NSD2: variants seen among roughly 807,000 people sequenced by gnomAD.
The protein encoded by NSD2 is nuclear receptor binding SET domain protein 2.
In NSD2, 12 loss-of-function variants were observed where a neutral mutation model predicts 139.0. The ratio of observed to expected loss-of-function variants is 0.09; its 90% CI spans 0.06 to 0.14. NSD2 has a LOEUF of 0.14. NSD2 is among the 10% of genes least tolerant of loss of function. The pLI is 1.00. For missense variants in NSD2, 1,155 were observed against 1,745.0 expected, an observed-to-expected ratio of 0.66 and a Z score of 6.02; for synonymous variants, 669 against 648.7, an observed-to-expected ratio of 1.03 and a Z score of -0.48.
chr4:1,908,205 T>G (rs912432962), intron 3 of NSD2, among the ~76,000 whole-genome samples: 3 of 152,204 alleles, frequency 2.0e-5, no homozygotes, highest in Admixed American at 6.5e-5. Flanking sequence ...CATGACTGCT[T>G]TAGCTTTCTC....
chr4:1,979,571 A>C lies in NSD2; in HGVS notation c.*662A>C, dbSNP rs1727545468. On this transcript the variant is annotated 3_prime_UTR_variant, in exon 22 of 22. Transcript: ENST00000508803. The stretch of plus-strand genomic sequence containing the variant: ...GTAGTTTTTTCTCCTCATGGATTTG[A>C]ATGAAATGCCAATAACACGTCCACT... 4.3e-6 allele frequency: 1 copy of C among 232,776 alleles called. No homozygotes were observed. Among genetic ancestry groups the C allele is most frequent in the Non-Finnish European group, 8.5e-6 (1 of 117,836 alleles). The allele number at this position is 232,776 out of a possible 1,614,324, so 14.4% of individuals were successfully genotyped here.
rs1479515086 is a variant in NSD2, at chr4:1,942,229, G to T, written c.1881+2451G>T. 16 of 1,521,200 alleles carry T rather than the reference G, an allele frequency of 1.1e-5. No individual in the cohort carries two copies. The highest frequency in any genetic ancestry group is 1.1e-5 in the Non-Finnish European group (13 of 1,138,526). 94.2% of individuals were successfully genotyped at this position (1,521,200 alleles called of 1,614,324 possible). A position where few individuals can be genotyped will look rare whatever the true frequency, so the allele number is the denominator to read the frequency against. On this transcript the variant is annotated intron_variant, in intron 9 of 21. Coordinates refer to ENST00000508803, the MANE Select transcript of NSD2 (RefSeq NM_001042424.3). The surrounding 1 kb of genome is among the most constrained non-coding windows in gnomAD (Gnocchi z 4.0). ...GAGAATAAATTAAAATTACACACTT[G>T]CATGACAAAGGCCTGTGAAGGAATT...
intron 21 of NSD2, among the ~76,000 whole-genome samples, chr4:1,977,253 G>A (rs940052756): frequency 5.3e-5 from 8 of 152,240 alleles, no homozygotes; most frequent in African/African-American, 1.7e-4. Flanking sequence ...TCCAGCACCC[G>A]CATTTCAGAG....
chr4:1,933,259 A>T (rs907916442), intron 6 of NSD2, among the ~76,000 whole-genome samples: 4 of 152,052 alleles, frequency 2.6e-5, no homozygotes, highest in African/African-American at 9.7e-5. Context: ...ACGGACACTT[A>T]CTTGTACCTC....
At chr4:1,903,803 C>T (rs1717516800) in intron 2 of NSD2, among the ~76,000 whole-genome samples, 1 of 148,300 alleles carries the variant, frequency 6.7e-6, no homozygotes, top group African/African-American at 2.5e-5. Flanking sequence ...GGCGTGATCT[C>T]GGCTCACTGC....
At chr4:1,872,292 T>G (rs920084439) in intron 1 of NSD2, among the ~76,000 whole-genome samples, 1 of 152,132 alleles carries the variant, frequency 6.6e-6, no homozygotes, top group Non-Finnish European at 1.5e-5. Flanking sequence ...AGGATGCAGA[T>G]TGATAGTCCT....
chr4:1,978,831 GC>G lies in NSD2; in HGVS notation c.4028del (p.Pro1343GlnfsTer49), dbSNP rs752037034. 21 of 1,601,338 alleles carry G rather than the reference GC, an allele frequency of 1.3e-5. No homozygotes were observed. Among genetic ancestry groups the G allele is most frequent in the Admixed American group, 3.4e-5 (2 of 59,286 alleles). On this transcript the variant is annotated frameshift_variant, in exon 22 of 22. Transcript: ENST00000508803. LOFTEE classifies it high-confidence loss of function. ...ASVRSTKTEKPPPEPGKPKGK... is the reference protein window; with the variant it reads ...ASVRSTKTEKXPPEPGKPKGK... The stretch of plus-strand genomic sequence containing the variant: ...CGGTCAGAAGCACCAAGACTGAGAA[GC>G]CCCCCCCAGAGCCAGGGAAGCCGAA...
chr4:1,952,396 C>T (rs1724364780), intron 11 of NSD2, among the ~76,000 whole-genome samples, 165 bp downstream of exon 11: 1 of 152,206 alleles, frequency 6.6e-6, no homozygotes, highest in Non-Finnish European at 1.5e-5. Context: ...CAGGTGTACC[C>T]ACCTCTCAGT....
In NSD2 at chr4:1,952,156, G is replaced by A. The variant is rs1560747952; in HGVS notation, c.2062G>A (p.Gly688Arg). The change falls in exon 11 of 22, where the codon GGA becomes AGA. Residue 688 changes from glycine (G) to arginine (R), a missense_variant. Gly to Arg is a moderately radical substitution (Grantham distance 125, BLOSUM62 -2). Coordinates refer to ENST00000508803, the MANE Select transcript of NSD2 (RefSeq NM_001042424.3). ...CCTGCTCTGTGAAGGACCCTGCTGC[G>A]GAGCTTTCCACCTCGCCTGCCTTGG... ...SLLLCEGPCC[G>R]AFHLACLGLS... 7 of 1,614,126 alleles carry A rather than the reference G, an allele frequency of 4.3e-6. No homozygotes were observed. Among genetic ancestry groups the A allele is most frequent in the Non-Finnish European group, 1.7e-6 (2 of 1,180,038 alleles).
At chr4:1,940,261 G>C in intron 9 of NSD2, 11 of 1,074,858 alleles carry the variant, frequency 1.0e-5, no homozygotes, top group Non-Finnish European at 1.2e-5. Flanking sequence ...TTGTTCTCAT[G>C]CATTTCATGG....
chr4:1,979,011 C>T lies in NSD2; in HGVS notation c.*102C>T, dbSNP rs1727461749. 3 of 1,395,434 alleles carry T rather than the reference C, an allele frequency of 2.1e-6. No homozygotes were observed. The highest frequency in any genetic ancestry group is 1.9e-6 in the Non-Finnish European group (2 of 1,065,538). 86.4% of individuals were successfully genotyped at this position (1,395,434 alleles called of 1,614,324 possible). A position where few individuals can be genotyped will look rare whatever the true frequency, so the allele number is the denominator to read the frequency against. On this transcript the variant is annotated 3_prime_UTR_variant, in exon 22 of 22. Transcript: ENST00000508803. ...ACTGGCCCGGAGGACCCAGCTCGAGCCGCCAGGACACAGACGTACAGGCCT... is the reference window on the plus strand; with the variant it reads ...ACTGGCCCGGAGGACCCAGCTCGAGTCGCCAGGACACAGACGTACAGGCCT...
chr4:1,962,070 G>A (rs960096351), intron 18 of NSD2, among the ~76,000 whole-genome samples: 9 of 152,226 alleles, frequency 5.9e-5, no homozygotes, highest in African/African-American at 2.2e-4. Context: ...GAGACCTAGA[G>A]AGAAAGGGCT....
Position 1,959,575 on chromosome 4 carries a change from G to A in NSD2, c.3090G>A (p.Ser1030=), listed in dbSNP as rs376544920. Residue 1030 remains serine, a synonymous_variant, in exon 17 of 22, where the codon TCG becomes TCA. Coordinates refer to ENST00000508803, the MANE Select transcript of NSD2 (RefSeq NM_001042424.3). ...PTDENPCGFD[S]ECLNRMLMFE... is the part of the protein sequence containing the mutation. ...ATGAGAATCCTTGTGGCTTTGATTCGGAGTGTCTGAACAGGATGCTGATGT... is the reference window on the plus strand; with the variant it reads ...ATGAGAATCCTTGTGGCTTTGATTCAGAGTGTCTGAACAGGATGCTGATGT... 17 of 1,614,130 alleles carry A rather than the reference G, an allele frequency of 1.1e-5. No individual in the cohort carries two copies. Among genetic ancestry groups the A allele is most frequent in the African/African-American group, 5.3e-5 (4 of 75,032 alleles).
chr4:1,938,434 T>TG lies in NSD2; in HGVS notation c.1675-17_1675-16insG. ...TTTCTTTCTTTTTTTTTTTTTTTTT[T>TG]TTTTTTTAAATAATAGAGAGACACA... On this transcript the variant is annotated splice_polypyrimidine_tract_variant and intron_variant, in intron 7 of 21. Coordinates refer to ENST00000508803, the MANE Select transcript of NSD2 (RefSeq NM_001042424.3). 1 of 1,248,632 alleles carries TG rather than the reference T, an allele frequency of 8.0e-7. No individual in the cohort carries two copies. The highest frequency in any genetic ancestry group is 1.1e-6 in the Non-Finnish European group (1 of 949,008). 77.3% of individuals were successfully genotyped at this position (1,248,632 alleles called of 1,614,324 possible). A position where few individuals can be genotyped will look rare whatever the true frequency, so the allele number is the denominator to read the frequency against.
chr4:1,888,858 G>A (rs1715318459), intron 1 of NSD2, among the ~76,000 whole-genome samples: 1 of 151,236 alleles, frequency 6.6e-6, no homozygotes, highest in African/African-American at 2.4e-5. Flanking sequence ...GAGCCACCAC[G>A]CCTGGCTGCT....
rs1723216705 is a variant in NSD2 at position 1,942,651 on chromosome 4, T to G, written c.1881+2873T>G. ...CATATTCCAGTGGTCAATGTAGATT[T>G]CAAGTTGAAAGGCAGTCCCTTTAGT... On this transcript the variant is annotated intron_variant, in intron 9 of 21. Coordinates refer to ENST00000508803, the MANE Select transcript of NSD2 (RefSeq NM_001042424.3). This position sits in a 1 kb window ranked among gnomAD's most constrained non-coding sequence, Gnocchi z 4.0. 1.7e-6 allele frequency: 2 copies of G among 1,182,898 alleles called. No homozygotes were observed. Among genetic ancestry groups the G allele is most frequent in the Admixed American group, 8.6e-5 (2 of 23,324 alleles). The allele number at this position is 1,182,898 out of a possible 1,614,324, so 73.3% of individuals were successfully genotyped here. A position where few individuals can be genotyped will look rare whatever the true frequency, so the allele number is the denominator to read the frequency against.
intron 3 of NSD2, among the ~76,000 whole-genome samples, chr4:1,906,956 C>T (rs1480496892): frequency 1.3e-5 from 2 of 152,086 alleles, no homozygotes; most frequent in South Asian, 2.1e-4. Flanking sequence ...CCACCGTGCC[C>T]GGCCTCATCT....
chr4:1,943,001 T>C, intron 9 of NSD2: 1 of 1,051,148 alleles, frequency 9.5e-7, no homozygotes, highest in Non-Finnish European at 1.1e-6. Flanking sequence ...TACAGTATTA[T>C]TGTGAACCAT....
intron 9 of NSD2, chr4:1,943,267 G>A (rs759849071): frequency 3.0e-4 from 313 of 1,043,702 alleles, no homozygotes; most frequent in African/African-American, 6.3e-4. Context: ...GTTAATTCCC[G>A]GCAGATTCTT....
Sources: allele counts gnomAD v4.1 joint callset (sites outside exome capture counted in the v4.1 genomes callset), GRCh38; gene constraint gnomAD v4.1.1; non-coding constraint Gnocchi (gnomAD v3.1); transcripts MANE v1.5; gene names NCBI Gene and HGNC (gene_info 2026-07-23, HGNC 2026-07-21).